The following SEMA3D variants were observed in gnomAD, a reference collection of about 807,000 sequenced individuals.
The protein encoded by SEMA3D is semaphorin 3D.
In SEMA3D, 84 loss-of-function variants were observed where a neutral mutation model predicts 100.1. The observed-to-expected ratio is 0.84, with a 90% CI of 0.70 to 1.01. The LOEUF is 1.01. Ranked by LOEUF, SEMA3D falls within the 50% of genes least tolerant of loss-of-function variation. The probability of loss-of-function intolerance (pLI) is 0.00; values close to 1 mark genes in which losing one functional copy is unlikely to be tolerated. For synonymous variants in SEMA3D, 312 were observed against 320.7 expected (o/e 0.97, Z 0.29); for missense variants, 875 against 934.1 (o/e 0.94, Z 0.82).
At chr7:85,038,593 T>C (rs1790767866) in intron 11 of SEMA3D, among the ~76,000 whole-genome samples, 2 of 152,132 alleles carry the variant, frequency 1.3e-5, no homozygotes, top group Non-Finnish European at 2.9e-5. Flanking sequence ...AGAAACTTAA[T>C]AGGAGAAAAA....
intron 5 of SEMA3D, among the ~76,000 whole-genome samples, chr7:85,078,870 T>C (rs1359829132): frequency 6.6e-6 from 1 of 152,148 alleles, no homozygotes; most frequent in Non-Finnish European, 1.5e-5. Flanking sequence ...GGAGAAAGGG[T>C]AATGCCAAAC....
chr7:85,137,022 A>C lies in SEMA3D; in HGVS notation c.-40-15091T>G, dbSNP rs79455611. Reference sequence around the variant, plus strand: ...TGACTTATGTAGTTTTAGCCAAGCAAAGTGTCTATGAATATTTTTTAAATG... The same window carrying C: ...TGACTTATGTAGTTTTAGCCAAGCACAGTGTCTATGAATATTTTTTAAATG... On this transcript the variant is annotated intron_variant, in intron 2 of 18. Transcript: ENST00000284136. 5.5e-3 allele frequency among the ~76,000 whole-genome samples: 836 copies of C among 152,190 alleles called. 10 individuals are homozygous for C. Among genetic ancestry groups the C allele is most frequent in the African/African-American group, 0.019 (783 of 41,560 alleles).
At chr7:85,206,118 T>C in the SEMA3D span, among the ~76,000 whole-genome samples, 1 of 152,104 alleles carries the variant, frequency 6.6e-6, no homozygotes, top group Non-Finnish European at 1.5e-5. Context: ...GATGTGAATG[T>C]GCCAGGTTGG....
At chr7:85,157,460 T>C (rs1189365519) in intron 1 of SEMA3D, among the ~76,000 whole-genome samples, 2 of 152,184 alleles carry the variant, frequency 1.3e-5, no homozygotes, top group East Asian at 1.9e-4. Flanking sequence ...TTGTACATTT[T>C]ATGTGTCTTT....
At chr7:85,120,114 T>C (rs1007073252) in intron 3 of SEMA3D, among the ~76,000 whole-genome samples, 5 of 152,130 alleles carry the variant, frequency 3.3e-5, no homozygotes, top group African/African-American at 7.2e-5. Context: ...ATTTCTTTCA[T>C]CTTTGCTGCC....
chr7:85,174,568 G>C (rs564652122), intron 1 of SEMA3D, among the ~76,000 whole-genome samples: 1 of 152,160 alleles, frequency 6.6e-6, no homozygotes, highest in African/African-American at 2.4e-5. Flanking sequence ...TAAGAATATG[G>C]AAAAAAGATA....
rs1340343486 is a variant in SEMA3D, at chr7:85,006,924, C to T, written c.1786G>A (p.Ala596Thr). The T allele has an allele frequency of 3.1e-6, 5 of 1,609,644 alleles. No homozygotes were observed. Among genetic ancestry groups the T allele is most frequent in the Non-Finnish European group, 4.2e-6 (5 of 1,177,474 alleles). Residue 596 changes from alanine to threonine, a missense_variant, in exon 18 of 19, where the codon GCT (alanine) becomes ACT (threonine). Physicochemically the swap from Ala to Thr is moderately conservative, Grantham distance 58. Transcript: ENST00000284136. ...ATGCCAAAAATCACCTTTTCATCAGCAGTTTCATGACTAATGCCTGGAAAG... is the reference window on the plus strand; with the variant it reads ...ATGCCAAAAATCACCTTTTCATCAGTAGTTTCATGACTAATGCCTGGAAAG... ...DIEDSISHET[A>T]DEKVIFGIEF...
At chr7:85,194,674 T>C in the SEMA3D span, among the ~76,000 whole-genome samples, 4 of 152,112 alleles carry the variant, frequency 2.6e-5, no homozygotes, top group Admixed American at 1.3e-4. Context: ...GGGAGGTATA[T>C]TGGTTTTCTA....
intron 12 of SEMA3D, among the ~76,000 whole-genome samples, chr7:85,034,540 G>A (rs1790636979): frequency 6.6e-6 from 1 of 152,124 alleles, no homozygotes; most frequent in Non-Finnish European, 1.5e-5. Context: ...TCGGGAGGCA[G>A]AGGTTGCAGT....
chr7:85,160,353 G>T (rs1471095248), intron 1 of SEMA3D, among the ~76,000 whole-genome samples: 1 of 151,790 alleles, frequency 6.6e-6, no homozygotes, highest in East Asian at 1.9e-4. Flanking sequence ...AAAAAATAAG[G>T]AAGTCAATAA....
upstream of SEMA3D, among the ~76,000 whole-genome samples, chr7:85,190,639 TG>T (rs1791675563): frequency 1.3e-5 from 2 of 152,032 alleles, no homozygotes; most frequent in South Asian, 4.1e-4. Context: ...TGTTTAATGG[TG>T]GGGAAAAAAA....
In SEMA3D at chr7:85,042,155, G is replaced by T. The variant is rs775532452; in HGVS notation, c.976+16C>A. ...CAGTAAGGCCTTTCCAAGAAAGAAG[G>T]AAAGAAGGAACTTACGAAGCTCATC... On this transcript the variant is annotated intron_variant, in intron 10 of 18. Coordinates refer to ENST00000284136, the MANE Select transcript of SEMA3D (RefSeq NM_001384900.1). 6.5e-7 allele frequency: 1 copy of T among 1,546,846 alleles called. No individual in the cohort carries two copies. Among genetic ancestry groups the T allele is most frequent in the South Asian group, 1.1e-5 (1 of 89,132 alleles).
chr7:85,155,520 G>A (rs757743190), intron 1 of SEMA3D, among the ~76,000 whole-genome samples: 1 of 151,914 alleles, frequency 6.6e-6, no homozygotes, highest in Non-Finnish European at 1.5e-5. Context: ...TTCCAACAGG[G>A]GTGTAACATG....
At chr7:85,211,587 A>G in the SEMA3D span, among the ~76,000 whole-genome samples, 13 of 152,088 alleles carry the variant, frequency 8.5e-5, no homozygotes, top group Non-Finnish European at 1.5e-4. Context: ...ATTTAATATA[A>G]ATTACAAATG....
chr7:85,183,250 T>C (rs1214114803), intron 1 of SEMA3D, among the ~76,000 whole-genome samples: 3 of 152,166 alleles, frequency 2.0e-5, no homozygotes, highest in Admixed American at 2.0e-4. Flanking sequence ...ACACCTCTGG[T>C]TTATGATAAC....
chr7:85,130,186 A>C (rs1353621234), intron 2 of SEMA3D, among the ~76,000 whole-genome samples: 6 of 152,160 alleles, frequency 3.9e-5, no homozygotes, highest in African/African-American at 1.4e-4. Context: ...CCAAGTCTTC[A>C]TATCGGATTT....
At chr7:85,213,500 AT>A in the SEMA3D span, among the ~76,000 whole-genome samples, 1 of 151,994 alleles carries the variant, frequency 6.6e-6, no homozygotes, top group African/African-American at 2.4e-5. Context: ...ATTGTTATTG[AT>A]TGATTACTTA....
intron 2 of SEMA3D, among the ~76,000 whole-genome samples, chr7:85,147,092 C>CTTTTTCTTTTCTTTTT (rs1790232876): frequency 2.1e-5 from 1 of 48,178 alleles, no homozygotes; most frequent in African/African-American, 9.7e-5. Context: ...TTTTTCTTTT[C>CTTTTTCTTTTCTTTTT]TTTTTTTTTT....
At chr7:85,155,722 T>C (rs1790575316) in intron 1 of SEMA3D, among the ~76,000 whole-genome samples, 1 of 152,176 alleles carries the variant, frequency 6.6e-6, no homozygotes, top group African/African-American at 2.4e-5. Flanking sequence ...CTAATGAGGG[T>C]TAGCTCTTCA....
Sources: gnomAD v4.1 joint callset for allele counts (sites outside exome capture counted in the v4.1 genomes callset) on GRCh38, gnomAD v4.1.1 for gene constraint, MANE v1.5 for transcripts, NCBI Gene and HGNC (gene_info 2026-07-23, HGNC 2026-07-21) for gene names.